The following HIBADH variants were observed in gnomAD, a reference collection of about 807,000 sequenced individuals.
The protein encoded by HIBADH is 3-hydroxyisobutyrate dehydrogenase.
A neutral mutation model predicts 36.1 loss-of-function variants in HIBADH; 25 were observed. The observed-to-expected ratio is 0.69, with a 90% CI of 0.50 to 0.97. The LOEUF is 0.97. Among genes scored for constraint, HIBADH ranks in the 50% least tolerant of loss-of-function variants. The pLI is 0.00. For synonymous variants in HIBADH, 160 were observed against 149.5 expected, an observed-to-expected ratio of 1.07 and a Z score of -0.51; for missense variants, 421 against 418.0, an observed-to-expected ratio of 1.01 and a Z score of -0.06.
chr7:27,563,017 C>T (rs1019150624), intron 4 of HIBADH, among the ~76,000 whole-genome samples: 3 of 152,148 alleles, frequency 2.0e-5, no homozygotes, highest in Admixed American at 6.6e-5. Flanking sequence ...AGTGAGGATA[C>T]GAAATAATTC....
chr7:27,574,571 G>GAT (rs1334746632), intron 4 of HIBADH, among the ~76,000 whole-genome samples: 3 of 152,026 alleles, frequency 2.0e-5, no homozygotes, highest in African/African-American at 7.2e-5. Context: ...TAAGTACATA[G>GAT]ATAGGTTCAG....
intron 4 of HIBADH, among the ~76,000 whole-genome samples, chr7:27,577,904 A>G (rs1784737294): frequency 6.6e-6 from 1 of 152,220 alleles, no homozygotes; most frequent in Non-Finnish European, 1.5e-5. Flanking sequence ...AATGAGTTGT[A>G]CCTTCTGCAA....
chr7:27,543,046 T>C lies in HIBADH; in HGVS notation c.539A>G (p.Asp180Gly), dbSNP rs1370692091. ...CAACTCTTGGGCAGCAGCAAATTCA[T>C]CTTCAACTCCTCCCACCATAAACGT... Reference protein sequence around the residue: ...NLTFMVGGVEDEFAAAQELLG... With the variant: ...NLTFMVGGVEGEFAAAQELLG... The change falls in exon 5 of 8, where the codon GAT becomes GGT. Residue 180 changes from aspartate (D) to glycine (G), a missense_variant. Physicochemically the swap from Asp to Gly is moderately conservative, Grantham distance 94. Coordinates refer to ENST00000265395, the MANE Select transcript of HIBADH (RefSeq NM_152740.4). The C allele has an allele frequency of 6.2e-7, 1 of 1,613,732 alleles. No homozygotes were observed. The highest frequency in any genetic ancestry group is 1.1e-5 in the South Asian group (1 of 91,062).
chr7:27,657,518 T>C lies in HIBADH; in HGVS notation c.91+5180A>G, dbSNP rs562781553. Among the ~76,000 whole-genome samples, 4 of 152,118 alleles carry C rather than the reference T, an allele frequency of 2.6e-5. No homozygotes were observed. In the South Asian group the frequency reaches 6.2e-4, roughly 24 times the overall value. On this transcript the variant is annotated intron_variant, in intron 1 of 7. Coordinates refer to ENST00000265395, the MANE Select transcript of HIBADH (RefSeq NM_152740.4). ...AGAATCACTCCTACTACTAAGATCC[T>C]AGAAAAACTGAAGTAGAGTGCTGAT...
chr7:27,529,577 C>T (rs552513434), intron 7 of HIBADH, among the ~76,000 whole-genome samples: 1 of 152,322 alleles, frequency 6.6e-6, no homozygotes, highest in East Asian at 1.9e-4. Context: ...TGAATTACTA[C>T]AATCTTGTGC....
At chr7:27,595,523 ACT>A (rs1785017889) in intron 4 of HIBADH, among the ~76,000 whole-genome samples, 1 of 110,184 alleles carries the variant, frequency 9.1e-6, no homozygotes, top group Non-Finnish European at 1.8e-5. Flanking sequence ...GGCGAAAGAG[ACT>A]CTGTCTCAAA....
intron 2 of HIBADH, among the ~76,000 whole-genome samples, chr7:27,642,954 TGTCTA>T (rs1785989642): frequency 6.6e-6 from 1 of 152,182 alleles, no homozygotes; most frequent in Non-Finnish European, 1.5e-5. Flanking sequence ...CCCGGCCAAA[TGTCTA>T]GTCTTTAGAG....
intron 4 of HIBADH, among the ~76,000 whole-genome samples, chr7:27,607,436 G>C (rs895987533): frequency 6.6e-6 from 1 of 152,140 alleles, no homozygotes; most frequent in Non-Finnish European, 1.5e-5. Context: ...CTGAACCCAA[G>C]AGACGGAGGT....
At chr7:27,540,269 C>CA (rs1784129008) in intron 5 of HIBADH, among the ~76,000 whole-genome samples, 1 of 152,144 alleles carries the variant, frequency 6.6e-6, no homozygotes, top group African/African-American at 2.4e-5. Flanking sequence ...TGTCTAATGT[C>CA]AATTTGTTTC....
chr7:27,601,293 T>C (rs1785127156), intron 4 of HIBADH, among the ~76,000 whole-genome samples: 1 of 152,078 alleles, frequency 6.6e-6, no homozygotes. Flanking sequence ...AGATTATATA[T>C]ATTGAGAGGG....
intron 1 of HIBADH, among the ~76,000 whole-genome samples, chr7:27,652,659 A>G (rs1185550784): frequency 6.6e-6 from 1 of 152,232 alleles, no homozygotes; most frequent in Non-Finnish European, 1.5e-5. Flanking sequence ...TGGTAGGTCC[A>G]CTTCCTCGTT....
chr7:27,626,402 G>C (rs1039313234), intron 4 of HIBADH, among the ~76,000 whole-genome samples: 1 of 152,074 alleles, frequency 6.6e-6, no homozygotes, highest in African/African-American at 2.4e-5. Context: ...AAACATAACA[G>C]TTTAAGCATT....
intron 4 of HIBADH, among the ~76,000 whole-genome samples, chr7:27,549,849 A>G (rs943541580): frequency 6.6e-6 from 1 of 152,194 alleles, no homozygotes; most frequent in African/African-American, 2.4e-5. Flanking sequence ...CTTAAGTTAT[A>G]CATTAACATG....
intron 1 of HIBADH, among the ~76,000 whole-genome samples, chr7:27,655,987 A>C (rs1786295111): frequency 6.6e-6 from 1 of 152,216 alleles, no homozygotes. Flanking sequence ...TAGAATTTAA[A>C]TTTAAAACAT....
At chr7:27,632,581 A>G (rs1054144066) in intron 2 of HIBADH, 136 bp from the exon 3 acceptor site, 7 of 125,826 alleles carry the variant, frequency 5.6e-5, no homozygotes, top group Non-Finnish European at 1.2e-4. Context: ...GCAAATGACC[A>G]AAAAAAAAAA....
At chr7:27,531,481 CGA>C (rs1397346117) in intron 6 of HIBADH, 133 bp from the exon 7 acceptor site, 4 of 726,898 alleles carry the variant, frequency 5.5e-6, no homozygotes, top group Admixed American at 6.8e-5. Flanking sequence ...CAGGTTGATA[CGA>C]GAGTGAAGAA....
At chr7:27,574,497 C>A (rs113783258) in intron 4 of HIBADH, among the ~76,000 whole-genome samples, 16,957 of 151,726 alleles carry the variant, frequency 0.11, 1,076 homozygotes, top group Middle Eastern at 0.14. Flanking sequence ...AAACTCCAAA[C>A]AGGTAACTCT....
At chr7:27,583,581 T>C (rs993694341) in intron 4 of HIBADH, among the ~76,000 whole-genome samples, 2 of 152,016 alleles carry the variant, frequency 1.3e-5, no homozygotes, top group Non-Finnish European at 2.9e-5. Context: ...CTTTTACTAC[T>C]AACACAACAC....
intron 4 of HIBADH, among the ~76,000 whole-genome samples, chr7:27,546,688 G>A (rs1239784511): frequency 6.6e-6 from 1 of 152,162 alleles, no homozygotes; most frequent in Non-Finnish European, 1.5e-5. Context: ...TAGTGAATGG[G>A]AAAGACAAGA....
Sources: gnomAD v4.1 joint callset for allele counts (sites outside exome capture counted in the v4.1 genomes callset) on GRCh38, gnomAD v4.1.1 for gene constraint, MANE v1.5 for transcripts, NCBI Gene and HGNC (gene_info 2026-07-23, HGNC 2026-07-21) for gene names.